The following AHCTF1 variants were observed in gnomAD, a reference collection of about 807,000 sequenced individuals.
The protein encoded by AHCTF1 is protein ELYS.
In AHCTF1, 24 loss-of-function variants were observed where a neutral mutation model predicts 248.4. The ratio of observed to expected loss-of-function variants is 0.10; its 90% CI spans 0.07 to 0.14. AHCTF1 has a LOEUF of 0.14. Ranked by LOEUF, AHCTF1 falls within the 10% of genes least tolerant of loss-of-function variation. The probability of loss-of-function intolerance (pLI) is 1.00; values close to 1 mark genes in which losing one functional copy is unlikely to be tolerated. For missense variants in AHCTF1, 2,206 were observed against 2,636.2 expected, an observed-to-expected ratio of 0.84 and a Z score of 3.57; for synonymous variants, 786 against 929.8, an observed-to-expected ratio of 0.85 and a Z score of 2.81.
At chr1:246,922,297 T>A (rs1442419619) in intron 1 of AHCTF1, among the ~76,000 whole-genome samples, 2 of 152,022 alleles carry the variant, frequency 1.3e-5, no homozygotes, top group Non-Finnish European at 2.9e-5. Flanking sequence ...GAGGCAGAGG[T>A]TGCAGTAAGC....
Position 246,843,859 on chromosome 1 carries a change from G to A in AHCTF1, c.6461C>T (p.Ser2154Leu). 1 of 1,510,810 alleles carries A rather than the reference G, an allele frequency of 6.6e-7. No individual in the cohort carries two copies. Among genetic ancestry groups the A allele is most frequent in the East Asian group, 2.4e-5 (1 of 41,928 alleles). 93.6% of individuals were successfully genotyped at this position (1,510,810 alleles called of 1,614,324 possible). A position where few individuals can be genotyped will look rare whatever the true frequency, so the allele number is the denominator to read the frequency against. ...VSDLSSQFVI[S>L]PPALRSRQKN... is the part of the protein sequence containing the mutation. ...TTGTCTGCTCCTTAAAGCAGGAGGT[G>A]AGATGACAAACTGAGAAGATAAATC... is the stretch of plus-strand genomic sequence containing the variant. Residue 2154 changes from serine to leucine, a missense_variant, in exon 34 of 36, where the codon TCA becomes TTA. Physicochemically the swap from Ser to Leu is moderately radical, Grantham distance 145. Around this residue, in one of 6 missense-constraint regions of AHCTF1, gnomAD observed 469 missense variants for 470.0 expected, o/e 1.00. Coordinates refer to ENST00000648844, the MANE Select transcript of AHCTF1 (RefSeq NM_001323342.2).
At chr1:246,852,571 T>C (rs991755497) in intron 32 of AHCTF1, among the ~76,000 whole-genome samples, 1 of 152,064 alleles carries the variant, frequency 6.6e-6, no homozygotes, top group African/African-American at 2.4e-5. Flanking sequence ...CAGTTGACTA[T>C]CATTCTCCCA....
intron 1 of AHCTF1, among the ~76,000 whole-genome samples, chr1:246,930,091 G>A (rs1224127989): frequency 3.3e-5 from 5 of 151,786 alleles, no homozygotes; most frequent in African/African-American, 1.2e-4. Context: ...TGAAAAAGGA[G>A]AAGCATAAAA....
At chr1:246,916,001 C>T (rs1572462386) in intron 3 of AHCTF1, 141 bp downstream of exon 3, 1 of 987,596 alleles carries the variant, frequency 1.0e-6, no homozygotes, top group Non-Finnish European at 1.5e-6. Context: ...AACACTTTAC[C>T]TAAGAGTAAC....
Position 246,861,097 on chromosome 1 carries a change from T to C in AHCTF1, c.3934A>G (p.Ile1312Val), listed in dbSNP as rs41305967. The C allele has an allele frequency of 1.9e-3, 3,111 of 1,614,104 alleles. 58 individuals carry two copies. In the African/African-American group the frequency reaches 0.033, roughly 17 times the overall value. The change falls in exon 29 of 36, where the codon ATC becomes GTC. Residue 1312 changes from isoleucine (I) to valine (V), a missense_variant. Physicochemically the swap from Ile to Val is conservative, Grantham distance 29 (BLOSUM62 3). Coordinates refer to ENST00000648844, the MANE Select transcript of AHCTF1 (RefSeq NM_001323342.2). Reference protein sequence around the residue: ...DVSKGNSSVSITSDETTLEYQ... With the variant: ...DVSKGNSSVSVTSDETTLEYQ... ...TCTAAGGTAGTCTCATCGGATGTGA[T>C]TGAAACACTGCTGTTTCCTTTGCTC...
chr1:246,896,077 G>C (rs536155349), intron 12 of AHCTF1, 152 bp from the exon 13 acceptor site: 126 of 586,716 alleles, frequency 2.1e-4, no homozygotes, highest in Non-Finnish European at 3.6e-5. Context: ...AACAAGCATG[G>C]TAAGGACGTG....
Position 246,853,080 on chromosome 1 carries a change from AT to A in AHCTF1, c.4563+10del, listed in dbSNP as rs752692575. ...AGACTGATAAAGAAGTAAAAAATTA[AT>A]TTTTTTTACATGAATTTCTTGAGTA... On this transcript the variant is annotated intron_variant, in intron 32 of 35. Coordinates refer to ENST00000648844, the MANE Select transcript of AHCTF1 (RefSeq NM_001323342.2). 1.2e-5 allele frequency: 19 copies of A among 1,597,496 alleles called. No homozygotes were observed. The highest frequency in any genetic ancestry group is 3.4e-5 in the South Asian group (3 of 88,262).
chr1:246,931,419 G>A (rs1667351056), intron 1 of AHCTF1, 159 bp downstream of exon 1: 3 of 1,450,942 alleles, frequency 2.1e-6, no homozygotes, highest in Non-Finnish European at 2.7e-6. Flanking sequence ...GCCCCCTCGA[G>A]CCCCATCCGT....
At chr1:246,929,218 G>C (rs1558289652) in intron 1 of AHCTF1, among the ~76,000 whole-genome samples, 1 of 151,982 alleles carries the variant, frequency 6.6e-6, no homozygotes, top group Non-Finnish European at 1.5e-5. Context: ...AGATCACCCT[G>C]GGCAACATGG....
chr1:246,843,254 C>T (rs1048045187), intron 34 of AHCTF1, among the ~76,000 whole-genome samples: 1 of 152,226 alleles, frequency 6.6e-6, no homozygotes, highest in African/African-American at 2.4e-5. Flanking sequence ...TCTCCTCTAA[C>T]CTCGGTCTAT....
chr1:246,915,058 G>A (rs535293705), intron 3 of AHCTF1, among the ~76,000 whole-genome samples: 4 of 152,210 alleles, frequency 2.6e-5, no homozygotes, highest in African/African-American at 9.6e-5. Flanking sequence ...CTGGCCGGGC[G>A]TGGTGGCTCA....
At chr1:246,921,636 G>T (rs370081948) in intron 1 of AHCTF1, among the ~76,000 whole-genome samples, 1 of 152,116 alleles carries the variant, frequency 6.6e-6, no homozygotes, top group South Asian at 2.1e-4. Flanking sequence ...CCGATTCCCT[G>T]AGTCAGGAAG....
chr1:246,851,438 A>G lies in AHCTF1; in HGVS notation c.4568T>C (p.Ile1523Thr), dbSNP rs1194405246. The G allele has an allele frequency of 7.5e-6, 12 of 1,604,174 alleles. No individual in the cohort carries two copies. Among genetic ancestry groups the G allele is most frequent in the Non-Finnish European group, 8.5e-6 (10 of 1,175,636 alleles). Residue 1523 changes from isoleucine to threonine, a missense_variant, in exon 33 of 36, where the codon ATT (isoleucine) becomes ACT (threonine). Coordinates refer to ENST00000648844, the MANE Select transcript of AHCTF1 (RefSeq NM_001323342.2). Reference protein sequence around the residue: ...SPPDTQEIHVIEQEKLEAQDS... With the variant: ...SPPDTQEIHVTEQEKLEAQDS... ...TTGAGCTTCAAGCTTTTCTTGTTCA[A>G]TCACCTAAATGAATTAAAGATAAGA...
At chr1:246,843,121 T>C (rs1388008411) in intron 34 of AHCTF1, among the ~76,000 whole-genome samples, 2 of 152,222 alleles carry the variant, frequency 1.3e-5, no homozygotes, top group African/African-American at 2.4e-5. Flanking sequence ...CCACATTTCA[T>C]CTTTCATAGA....
At chr1:246,890,508 A>T (rs1055741846) in intron 16 of AHCTF1, among the ~76,000 whole-genome samples, 2 of 152,206 alleles carry the variant, frequency 1.3e-5, no homozygotes, top group African/African-American at 4.8e-5. Flanking sequence ...GCACAAGTCA[A>T]ATACCAAAAA....
chr1:246,909,561 T>G (rs927452103), intron 4 of AHCTF1, among the ~76,000 whole-genome samples: 6 of 152,168 alleles, frequency 3.9e-5, no homozygotes, highest in African/African-American at 1.4e-4. Flanking sequence ...GTCGCAGTAT[T>G]GCAGTGCTTG....
chr1:246,904,635 C>T (rs945100522), intron 6 of AHCTF1, among the ~76,000 whole-genome samples: 2 of 152,070 alleles, frequency 1.3e-5, no homozygotes, highest in African/African-American at 4.8e-5. Context: ...ATGTTGCCCT[C>T]GACCATGAGA....
chr1:246,879,115 A>T (rs760456492), intron 21 of AHCTF1, among the ~76,000 whole-genome samples: 2 of 152,212 alleles, frequency 1.3e-5, no homozygotes, highest in Non-Finnish European at 2.9e-5. Flanking sequence ...AGCGGCTATA[A>T]ATCAGTAAGA....
At chr1:246,876,409 CAATT>C (rs1662970611) in intron 23 of AHCTF1, among the ~76,000 whole-genome samples, 1 of 152,170 alleles carries the variant, frequency 6.6e-6, no homozygotes, top group African/African-American at 2.4e-5. Context: ...TGATTCTTCA[CAATT>C]AATAAAAACA....
Sources: gnomAD v4.1 joint callset for allele counts (sites outside exome capture counted in the v4.1 genomes callset) on GRCh38, gnomAD v4.1.1 for gene constraint, gnomAD v4.1.1 regional missense constraint, MANE v1.5 for transcripts, NCBI Gene and HGNC (gene_info 2026-07-23, HGNC 2026-07-21) for gene names.